KDM5B: variants seen among roughly 807,000 people sequenced by gnomAD.
The protein encoded by KDM5B is lysine demethylase 5B.
In KDM5B, 144 loss-of-function variants were observed where a neutral mutation model predicts 193.4. That is an observed-to-expected ratio of 0.74 (90% CI 0.65 to 0.86). The LOEUF (loss-of-function observed/expected upper bound fraction) is 0.86, where lower values mean the gene tolerates loss of function less well. KDM5B is among the 40% of genes least tolerant of loss of function. The pLI is 0.00. For synonymous variants in KDM5B, 668 were observed against 682.6 expected, an observed-to-expected ratio of 0.98 and a Z score of 0.33; for missense variants, 1,833 against 1,886.9, an observed-to-expected ratio of 0.97 and a Z score of 0.53.
chr1:202,762,994 C>T (rs1195472861), intron 6 of KDM5B, among the ~76,000 whole-genome samples, 186 bp from the exon 7 acceptor site: 1 of 152,202 alleles, frequency 6.6e-6, no homozygotes, highest in Non-Finnish European at 1.5e-5. Context: ...AAAATGCAAA[C>T]TCTTGTGCCA....
chr1:202,743,183 A>G (rs1655415500), intron 16 of KDM5B, among the ~76,000 whole-genome samples: 1 of 152,070 alleles, frequency 6.6e-6, no homozygotes, highest in Admixed American at 6.5e-5. Context: ...ACAAAATTAA[A>G]GAACTTAGCC....
In KDM5B at chr1:202,729,621, G is replaced by A. The variant is rs1044935561; in HGVS notation, c.4497+86C>T. On this transcript the variant is annotated intron_variant, in intron 26 of 26. Coordinates refer to ENST00000367265, the MANE Select transcript of KDM5B (RefSeq NM_006618.5). ...ATCAGCTCAAAGCAGATAAGCAGAG[G>A]AGAAAGACCCAGCGAGATGAGGTCT... 6 of 1,150,626 alleles carry A rather than the reference G, an allele frequency of 5.2e-6. No homozygotes were observed. In the African/African-American group the frequency reaches 9.3e-5, roughly 18 times the overall value. The allele number at this position is 1,150,626 out of a possible 1,614,324, so 71.3% of individuals were successfully genotyped here.
intron 16 of KDM5B, among the ~76,000 whole-genome samples, chr1:202,745,548 A>AT (rs1463129010): frequency 1.3e-5 from 2 of 150,926 alleles, no homozygotes; most frequent in African/African-American, 4.9e-5. Context: ...AGATTTCAAC[A>AT]TCTTTGTAAG....
At chr1:202,757,816 A>G (rs1224863694) in intron 9 of KDM5B, among the ~76,000 whole-genome samples, 3 of 152,248 alleles carry the variant, frequency 2.0e-5, no homozygotes, top group East Asian at 3.8e-4. Flanking sequence ...TACTACATGC[A>G]TAAAGGGTTT....
intron 1 of KDM5B, among the ~76,000 whole-genome samples, chr1:202,778,177 A>G (rs1268878954): frequency 1.3e-5 from 2 of 152,048 alleles, no homozygotes; most frequent in African/African-American, 2.4e-5. Context: ...TTCACCTCAA[A>G]AAAAAAAAAA....
intron 16 of KDM5B, among the ~76,000 whole-genome samples, chr1:202,743,277 C>T (rs1019303227): frequency 1.2e-4 from 15 of 128,744 alleles, no homozygotes; most frequent in African/African-American, 3.9e-4. Flanking sequence ...TTCAAGGCTG[C>T]GGTGAGCCAC....
At chr1:202,779,804 A>AAAAT (rs145024625) in intron 1 of KDM5B, among the ~76,000 whole-genome samples, 42,794 of 140,924 alleles carry the variant, frequency 0.3, 6,633 homozygotes, top group African/African-American at 0.37. Flanking sequence ...CTCCGTCTCA[A>AAAAT]AAATAAATAA....
intron 1 of KDM5B, among the ~76,000 whole-genome samples, chr1:202,786,594 G>A (rs1207295184): frequency 3.9e-5 from 6 of 152,252 alleles, no homozygotes; most frequent in East Asian, 1.9e-4. Context: ...CAAAAACCAC[G>A]ATTTCTTTTG....
At chr1:202,737,429 A>C (rs948029023) in intron 20 of KDM5B, among the ~76,000 whole-genome samples, 2 of 152,220 alleles carry the variant, frequency 1.3e-5, no homozygotes, top group African/African-American at 4.8e-5. Context: ...ATTTTTAGAA[A>C]GAGATAGCCA....
chr1:202,754,536 C>G (rs1489015590), intron 11 of KDM5B, among the ~76,000 whole-genome samples: 1 of 152,174 alleles, frequency 6.6e-6, no homozygotes, highest in African/African-American at 2.4e-5. Flanking sequence ...AAAAGAGAGG[C>G]TAGTCATTAC....
intron 11 of KDM5B, among the ~76,000 whole-genome samples, chr1:202,753,686 T>C (rs941211513): frequency 3.4e-5 from 5 of 148,614 alleles, no homozygotes; most frequent in African/African-American, 1.2e-4. Flanking sequence ...TTTTTTTTTT[T>C]TGAGACTGAG....
chr1:202,752,693 G>A (rs1378926138), intron 12 of KDM5B, among the ~76,000 whole-genome samples: 1 of 152,190 alleles, frequency 6.6e-6, no homozygotes, highest in East Asian at 1.9e-4. Flanking sequence ...TAGCAATCTA[G>A]TTATCAGCTG....
intron 26 of KDM5B, 38 bp from the exon 27 acceptor site, chr1:202,729,211 A>G: frequency 6.2e-7 from 1 of 1,612,116 alleles, no homozygotes. Context: ...TTTTCAGAGG[A>G]AAAAATGGAT....
chr1:202,801,451 C>T (rs982663584), intron 1 of KDM5B, among the ~76,000 whole-genome samples: 2 of 152,102 alleles, frequency 1.3e-5, no homozygotes, highest in African/African-American at 4.8e-5. Flanking sequence ...TTCCAAACAT[C>T]CTACAATTAT....
chr1:202,774,845 ATT>A (rs11337395), intron 2 of KDM5B, 110 bp from the exon 3 acceptor site: 22 of 1,012,290 alleles, frequency 2.2e-5, no homozygotes, highest in African/African-American at 1.2e-4. Flanking sequence ...ACTTAAAAAA[ATT>A]TTTTTTTAAT....
At chr1:202,735,358 T>C (rs1391069546) in intron 22 of KDM5B, 71 bp downstream of exon 22, 34 of 1,498,854 alleles carry the variant, frequency 2.3e-5, no homozygotes, top group Non-Finnish European at 2.9e-5. Flanking sequence ...TCCAAATTCC[T>C]ATAAAACAGA....
In KDM5B at chr1:202,736,199, G is replaced by A. The variant is rs781722424; in HGVS notation, c.3264+14C>T. The stretch of plus-strand genomic sequence containing the variant: ...AGATCTAAGGTCTTGCAGATGAGCT[G>A]GTTGTAAACTTACCTCTAAGAGAGA... On this transcript the variant is annotated intron_variant, in intron 21 of 26. Transcript: ENST00000367265. The A allele has an allele frequency of 2.6e-6, 4 of 1,527,612 alleles. No individual in the cohort carries two copies. The South Asian group carries it at 3.8e-5, about 14-fold the overall frequency. 94.6% of individuals were successfully genotyped at this position (1,527,612 alleles called of 1,614,324 possible).
Position 202,764,193 on chromosome 1 carries a change from A to G in KDM5B, c.712-48T>C, listed in dbSNP as rs766426505. ...TGAATATTTCCTTTAAGAAGAAATA[A>G]TCTTTAAAAATCCAACTGGAATCTC... is the stretch of plus-strand genomic sequence containing the variant. On this transcript the variant is annotated intron_variant, in intron 5 of 26. Transcript: ENST00000367265. The G allele has an allele frequency of 9.9e-6, 10 of 1,009,568 alleles. No individual in the cohort carries two copies. The Middle Eastern group carries it at 1.6e-3, about 158-fold the overall frequency. 62.5% of individuals were successfully genotyped at this position (1,009,568 alleles called of 1,614,324 possible). A position where few individuals can be genotyped will look rare whatever the true frequency, so the allele number is the denominator to read the frequency against.
intron 20 of KDM5B, 21 bp from the exon 21 acceptor site, chr1:202,736,413 ACAG>A (rs1655098333): frequency 1.4e-5 from 21 of 1,518,860 alleles, no homozygotes; most frequent in Non-Finnish European, 1.8e-5. Flanking sequence ...AAGAAAAATT[ACAG>A]CAGTTTAGAG....
Sources: allele counts gnomAD v4.1 joint callset (sites outside exome capture counted in the v4.1 genomes callset), GRCh38; gene constraint gnomAD v4.1.1; transcripts MANE v1.5; gene names NCBI Gene and HGNC (gene_info 2026-07-23, HGNC 2026-07-21).